TJP1: variants seen among roughly 807,000 people sequenced by gnomAD.
TJP1 encodes tight junction protein 1.
A neutral mutation model predicts 194.2 loss-of-function variants in TJP1; 43 were observed. The ratio of observed to expected loss-of-function variants is 0.22; its 90% confidence interval spans 0.17 to 0.29. TJP1 has a LOEUF of 0.29. TJP1 is among the 10% of genes least tolerant of loss of function. TJP1 has a pLI of 1.00. For missense variants in TJP1, 1,971 were observed against 2,185.7 expected, an observed-to-expected ratio of 0.90 and a Z score of 1.96; for synonymous variants, 801 against 779.0, an observed-to-expected ratio of 1.03 and a Z score of -0.47.
chr15:29,891,660 T>C (rs1266005936), intron 2 of TJP1, among the ~76,000 whole-genome samples: 8 of 152,350 alleles, frequency 5.3e-5, no homozygotes, highest in Non-Finnish European at 1.2e-4. Context: ...TTATATCTGT[T>C]GTGGTGATCT....
chr15:29,928,614 A>G (rs1335488960), intron 2 of TJP1, among the ~76,000 whole-genome samples: 1 of 152,204 alleles, frequency 6.6e-6, no homozygotes, highest in East Asian at 1.9e-4. Flanking sequence ...AGAAGGAAAA[A>G]TAGATAATCT....
chr15:29,863,840 A>G (rs2052191344), intron 2 of TJP1, among the ~76,000 whole-genome samples: 1 of 152,186 alleles, frequency 6.6e-6, no homozygotes, highest in South Asian at 2.1e-4. Flanking sequence ...TACTCTGAAC[A>G]GTTTGCCCTC....
chr15:29,962,582 C>T (rs2152322407), intron 1 of TJP1, among the ~76,000 whole-genome samples: 1 of 152,318 alleles, frequency 6.6e-6, no homozygotes, highest in East Asian at 1.9e-4. Context: ...AAGCTGTCCC[C>T]TTCCTCCACT....
At chr15:29,967,513 T>C (rs1278115834) in intron 1 of TJP1, among the ~76,000 whole-genome samples, 2 of 152,168 alleles carry the variant, frequency 1.3e-5, no homozygotes, top group Non-Finnish European at 2.9e-5. Context: ...ATAACAAGAT[T>C]CTCACTTTAC....
chr15:29,968,884 C>T (rs2152330977), exon 1 of TJP1: 1 of 342,880 alleles, frequency 2.9e-6, no homozygotes, highest in East Asian at 1.7e-4. Flanking sequence ...TCCCACCGCT[C>T]CCGCGCCCGC....
intron 2 of TJP1, among the ~76,000 whole-genome samples, chr15:29,949,621 C>T (rs1382183201): frequency 2.7e-4 from 36 of 135,384 alleles, no homozygotes; most frequent in African/African-American, 8.1e-4. Flanking sequence ...TCACCACCAC[C>T]ACCTCCACCT....
In TJP1 at chr15:29,749,472, G is replaced by C. The variant is rs1179507146; in HGVS notation, c.1011-6691C>G. Among the ~76,000 whole-genome samples, 4 of 152,158 alleles carry C rather than the reference G, an allele frequency of 2.6e-5. No individual in the cohort carries two copies. In the East Asian group the frequency reaches 7.7e-4, roughly 29 times the overall value. On this transcript the variant is annotated intron_variant, in intron 8 of 27. Transcript: ENST00000614355. ...TTTGGAGCCATTTAGTAGAGGCAGA[G>C]GGCATGCAGCATGGTCAGTACAGGG...
chr15:29,904,281 C>T (rs910696434), intron 2 of TJP1, among the ~76,000 whole-genome samples: 3 of 152,066 alleles, frequency 2.0e-5, no homozygotes, highest in Non-Finnish European at 4.4e-5. Context: ...CAGGTGGATA[C>T]AGAGAAACCA....
At chr15:29,893,498 G>A (rs923226633) in intron 2 of TJP1, among the ~76,000 whole-genome samples, 2 of 152,034 alleles carry the variant, frequency 1.3e-5, no homozygotes, top group South Asian at 2.1e-4. Flanking sequence ...GTCCATCCAC[G>A]TGGCCAATTT....
At position 29,762,338 on chromosome 15, in the gene TJP1, C is replaced by G. The variant is rs1350101022; in HGVS notation, c.690G>C (p.Leu230Phe). 6.2e-7 allele frequency: 1 copy of G among 1,610,078 alleles called. No individual in the cohort carries two copies. The highest frequency in any genetic ancestry group is 1.7e-5 in the Admixed American group (1 of 59,804). The change falls in exon 6 of 28, where the codon TTG becomes TTC. Residue 230 changes from leucine (L) to phenylalanine (F), a missense_variant. This residue lies in a region of TJP1 where 245 missense variants were observed against 336.6 expected (regional missense o/e 0.73). Coordinates refer to ENST00000614355, the MANE Select transcript of TJP1 (RefSeq NM_001330239.4). ...AAAAGTAAGAATATGATTATACCTTCAATACAACATCACCTTCTTGAATAT... is the reference window on the plus strand; with the variant it reads ...AAAAGTAAGAATATGATTATACCTTGAATACAACATCACCTTCTTGAATAT... The part of the protein sequence containing the change: ...DGNIQEGDVV[L>F]KINGTVTENM...
At chr15:29,776,786 A>G (rs1241844762) in intron 2 of TJP1, among the ~76,000 whole-genome samples, 1 of 152,198 alleles carries the variant, frequency 6.6e-6, no homozygotes, top group African/African-American at 2.4e-5. Context: ...GGTTATCAAA[A>G]GAGTCTTTAA....
intron 8 of TJP1, among the ~76,000 whole-genome samples, chr15:29,745,822 A>G (rs1391503593): frequency 6.6e-6 from 1 of 152,204 alleles, no homozygotes; most frequent in Non-Finnish European, 1.5e-5. Flanking sequence ...GTATTGTTCA[A>G]CTGAAATAAT....
intron 1 of TJP1, among the ~76,000 whole-genome samples, chr15:29,963,472 C>G (rs921851987): frequency 6.6e-6 from 1 of 152,014 alleles, no homozygotes; most frequent in Admixed American, 6.6e-5. Context: ...TAGAGTGCAG[C>G]AAGTAATAGC....
chr15:29,822,446 G>T lies in TJP1; in HGVS notation c.-418C>A, dbSNP rs1350403253. The stretch of plus-strand genomic sequence containing the variant: ...GAACGCGGCGTCCGCTGGCTCAGCC[G>T]GCGCCGGCAACTCAGCGGCCACGCA... On this transcript the variant is annotated 5_prime_UTR_variant, in exon 1 of 28. Coordinates refer to ENST00000614355, the MANE Select transcript of TJP1 (RefSeq NM_001330239.4). 2.0e-6 allele frequency: 2 copies of T among 987,046 alleles called. No homozygotes were observed. The highest frequency in any genetic ancestry group is 2.4e-6 in the Non-Finnish European group (2 of 831,172). The allele number at this position is 987,046 out of a possible 1,614,324, so 61.1% of individuals were successfully genotyped here.
intron 2 of TJP1, among the ~76,000 whole-genome samples, chr15:29,933,812 G>A (rs1046827411): frequency 6.6e-6 from 1 of 152,248 alleles, no homozygotes; most frequent in African/African-American, 2.4e-5. Context: ...CAGAGGGAGA[G>A]GATGGACTTT....
intron 23 of TJP1, 145 bp downstream of exon 23, chr15:29,716,466 G>T: frequency 1.6e-6 from 1 of 623,652 alleles, no homozygotes; most frequent in Non-Finnish European, 2.7e-6. Flanking sequence ...ACACATCCCA[G>T]AACTAAAAAG....
intron 2 of TJP1, among the ~76,000 whole-genome samples, chr15:29,913,118 T>G (rs1407156021): frequency 6.6e-6 from 1 of 151,848 alleles, no homozygotes; most frequent in African/African-American, 2.4e-5. Context: ...GTCAAAAAGT[T>G]CTACAAACTC....
intron 2 of TJP1, among the ~76,000 whole-genome samples, chr15:29,829,637 GA>G (rs5811584): frequency 0.91 from 125,957 of 138,354 alleles, 57,184 homozygotes; most frequent in South Asian, 0.97. Context: ...TTAAAAAAAA[GA>G]AAAAAAAAAA....
intron 2 of TJP1, among the ~76,000 whole-genome samples, chr15:29,861,269 G>A (rs914134813): frequency 2.0e-5 from 3 of 152,168 alleles, no homozygotes. Context: ...CCACCAGCAC[G>A]CATGAGGGTC....
Sources: gnomAD v4.1 joint callset for allele counts (sites outside exome capture counted in the v4.1 genomes callset) on GRCh38, gnomAD v4.1.1 for gene constraint, gnomAD v4.1.1 regional missense constraint, MANE v1.5 for transcripts, NCBI Gene and HGNC (gene_info 2026-07-23, HGNC 2026-07-21) for gene names.